Variants in PC observed in about 807,000 individuals in gnomAD.
The protein encoded by PC is pyruvate carboxylase.
Under a neutral mutation model 107.8 loss-of-function variants are expected in PC, and 46 were observed. The observed-to-expected ratio is 0.43, with a 90% confidence interval of 0.34 to 0.55. PC has a LOEUF of 0.55. Ranked by LOEUF, PC falls within the 20% of genes least tolerant of loss-of-function variation. The probability of loss-of-function intolerance (pLI) is 0.04; values close to 1 mark genes in which losing one functional copy is unlikely to be tolerated. For missense variants in PC, 1,241 were observed against 1,643.1 expected (o/e 0.76, Z 4.23); for synonymous variants, 662 against 684.7 (o/e 0.97, Z 0.52).
At position 66,866,363 on chromosome 11, in the gene PC, G is replaced by A. The variant is rs111858832; in HGVS notation, c.1023-14C>T. The A allele has an allele frequency of 7.5e-6, 12 of 1,603,642 alleles. No homozygotes were observed. Among genetic ancestry groups the A allele is most frequent in the Middle Eastern group, 3.4e-4 (2 of 5,810 alleles). On this transcript the variant is annotated splice_polypyrimidine_tract_variant and intron_variant, in intron 10 of 22. Coordinates refer to ENST00000393960, the MANE Select transcript of PC (RefSeq NM_001040716.2). The surrounding 1 kb of genome is among the most constrained non-coding windows in gnomAD (Gnocchi z 5.4). ...ACCAGGTCTACGCTGTAGGGCATTG[G>A]GGGGAGGGGGGAAAGGACGGGAGAA...
chr11:66,957,922 G>A (rs370612872), intron 1 of PC: 3 of 152,406 alleles, frequency 2.0e-5, no homozygotes, highest in African/African-American at 7.2e-5. Context: ...GGGACAACTT[G>A]GGCTCCCGAT....
chr11:66,866,042 C>A lies in PC; in HGVS notation c.1185+145G>T. The stretch of plus-strand genomic sequence containing the variant: ...CCCCTCCTCTGGGCACTGCCTGCCT[C>A]CGTGTACTCTATGTCCACTTCAGAG... On this transcript the variant is annotated intron_variant, in intron 11 of 22. Transcript: ENST00000393960. This position sits in a 1 kb window ranked among gnomAD's most constrained non-coding sequence, Gnocchi z 5.4. 1.1e-6 allele frequency: 1 copy of A among 917,660 alleles called. No homozygotes were observed. 56.8% of individuals were successfully genotyped at this position (917,660 alleles called of 1,614,324 possible).
intron 3 of PC, among the ~76,000 whole-genome samples, chr11:66,917,633 T>C (rs1948494416): frequency 6.6e-6 from 1 of 152,230 alleles, no homozygotes; most frequent in Non-Finnish European, 1.5e-5. Flanking sequence ...GTCTTGTGTA[T>C]GTGTGTTGCC....
At position 66,850,767 on chromosome 11, in the gene PC, C is replaced by T; in HGVS notation, c.2380G>A (p.Val794Met). The T allele has an allele frequency of 6.2e-7, 1 of 1,611,576 alleles. No homozygotes were observed. Among genetic ancestry groups the T allele is most frequent in the Non-Finnish European group, 8.5e-7 (1 of 1,179,976 alleles). ...GACATGGAATCAGCTGCCACATCCA[C>T]CACATCAGCTCCAGCCTGGGCACAG... ...LACAQAGADVVDVAADSMSGM... is the reference protein window; with the variant it reads ...LACAQAGADVMDVAADSMSGM... Residue 794 changes from valine to methionine, a missense_variant, in exon 18 of 23, where the codon GTG becomes ATG. Val to Met is a conservative substitution (Grantham distance 21). Transcript: ENST00000393960.
intron 3 of PC, among the ~76,000 whole-genome samples, chr11:66,876,030 C>T (rs918647478): frequency 1.3e-5 from 2 of 152,086 alleles, no homozygotes; most frequent in African/African-American, 2.4e-5. Context: ...TGTCAAAGGT[C>T]GTGAGAGACA....
chr11:66,921,209 C>G (rs11227629), intron 3 of PC, among the ~76,000 whole-genome samples: 5 of 152,080 alleles, frequency 3.3e-5, no homozygotes, highest in Admixed American at 2.0e-4. Context: ...TGGAAACGAC[C>G]CCGCTAAAAA....
At chr11:66,884,584 A>T (rs1947295470) in intron 3 of PC, among the ~76,000 whole-genome samples, 1 of 152,220 alleles carries the variant, frequency 6.6e-6, no homozygotes. Flanking sequence ...TTGACAGGAC[A>T]GAGAGAGGGT....
chr11:66,850,632 G>C (rs368066387), intron 18 of PC, 42 bp downstream of exon 18: 5 of 1,602,784 alleles, frequency 3.1e-6, no homozygotes, highest in Non-Finnish European at 4.2e-6. Context: ...TGGTGGCTGC[G>C]GCTTTGAGAG....
chr11:66,872,542 C>T (rs1193913295), intron 3 of PC, among the ~76,000 whole-genome samples: 1 of 151,480 alleles, frequency 6.6e-6, no homozygotes, highest in Non-Finnish European at 1.5e-5. Context: ...CCCTGGCTAA[C>T]ACGGTGAAAC....
rs1385368076 is a variant in PC at position 66,931,744 on chromosome 11, G to A, written c.-1+20686C>T. Among the ~76,000 whole-genome samples, 7 of 152,118 alleles carry A rather than the reference G, an allele frequency of 4.6e-5. No homozygotes were observed. In the East Asian group the frequency reaches 9.6e-4, roughly 21 times the overall value. On this transcript the variant is annotated intron_variant, in intron 3 of 22. Transcript: ENST00000393960. ...TAGATATATGTTTCTGTAGCCGGGC[G>A]CAGTGGCTCACGCCTGTAATCCCAG...
chr11:66,879,802 C>T (rs932509507), intron 3 of PC, among the ~76,000 whole-genome samples: 2 of 152,108 alleles, frequency 1.3e-5, no homozygotes, highest in African/African-American at 4.8e-5. Context: ...CAGTCAGAGA[C>T]GGGAGGGCAG....
intron 3 of PC, among the ~76,000 whole-genome samples, chr11:66,897,151 C>G (rs1411030073): frequency 1.3e-5 from 2 of 152,120 alleles, no homozygotes; most frequent in Non-Finnish European, 2.9e-5. Context: ...CCAGGCTGGT[C>G]TCGAGCTCCT....
intron 3 of PC, among the ~76,000 whole-genome samples, chr11:66,897,756 T>C (rs965305061): frequency 6.6e-6 from 1 of 152,200 alleles, no homozygotes. Flanking sequence ...GTACAGGTCA[T>C]GTATCCAGCC....
At chr11:66,950,269 G>A (rs1423226815) in intron 3 of PC, among the ~76,000 whole-genome samples, 2 of 152,100 alleles carry the variant, frequency 1.3e-5, no homozygotes, top group African/African-American at 4.8e-5. Flanking sequence ...CCAAAGCCTC[G>A]TTGTGATGTC....
intron 3 of PC, among the ~76,000 whole-genome samples, chr11:66,886,291 G>A (rs1947359848): frequency 2.0e-5 from 3 of 152,166 alleles, no homozygotes; most frequent in East Asian, 3.9e-4. Flanking sequence ...ACAGCCTGGC[G>A]TGGCCCGCTG....
At chr11:66,942,181 G>A (rs565822005) in intron 3 of PC, among the ~76,000 whole-genome samples, 2 of 151,048 alleles carry the variant, frequency 1.3e-5, no homozygotes, top group South Asian at 2.1e-4. Flanking sequence ...GACGGATCAC[G>A]AAGTCAGGAG....
chr11:66,931,273 G>C (rs1948841117), intron 3 of PC, among the ~76,000 whole-genome samples: 1 of 151,608 alleles, frequency 6.6e-6, no homozygotes. Context: ...CAGCTACTCA[G>C]GAGGCTGAGG....
intron 3 of PC, among the ~76,000 whole-genome samples, chr11:66,911,618 G>A (rs1948336080): frequency 6.6e-6 from 1 of 151,692 alleles, no homozygotes; most frequent in African/African-American, 2.4e-5. Context: ...ACACATCCCT[G>A]TCTTTAGTCT....
intron 3 of PC, among the ~76,000 whole-genome samples, chr11:66,937,017 A>AT (rs1269960750): frequency 6.6e-6 from 1 of 151,914 alleles, no homozygotes; most frequent in Non-Finnish European, 1.5e-5. Context: ...TAATTTTTGT[A>AT]TTTTTGGTAG....
Sources: gnomAD v4.1 joint callset for allele counts (sites outside exome capture counted in the v4.1 genomes callset) on GRCh38, gnomAD v4.1.1 for gene constraint, Gnocchi (gnomAD v3.1) non-coding constraint, MANE v1.5 for transcripts, NCBI Gene and HGNC (gene_info 2026-07-23, HGNC 2026-07-21) for gene names.